The following ERCC5 variants were observed in gnomAD, a reference collection of about 807,000 sequenced individuals.
ERCC5 encodes DNA excision repair protein ERCC-5.
ERCC5 carries 68 observed loss-of-function variants against 105.6 expected under a neutral mutation model. That is an observed-to-expected ratio of 0.64 (90% confidence interval 0.53 to 0.79). The LOEUF (loss-of-function observed/expected upper bound fraction) is 0.79, where lower values mean the gene tolerates loss of function less well. Among genes scored for constraint, ERCC5 ranks in the 30% least tolerant of loss-of-function variants. ERCC5 has a pLI of 0.00. For missense variants in ERCC5, 1,373 were observed against 1,426.7 expected, an observed-to-expected ratio of 0.96 and a Z score of 0.61; for synonymous variants, 546 against 526.2, an observed-to-expected ratio of 1.04 and a Z score of -0.51.
rs568316205 is a variant in ERCC5 at position 102,861,602 on chromosome 13, G to T, written c.768G>T (p.Gln256His). The T allele has an allele frequency of 4.3e-6, 7 of 1,614,174 alleles. No homozygotes were observed. In the South Asian group the frequency reaches 6.6e-5, roughly 15 times the overall value. Reference protein sequence around the residue: ...HIEHVQKEMNQQHSGHIRRQY... With the variant: ...HIEHVQKEMNHQHSGHIRRQY... ...AACATGTCCAAAAGGAAATGAATCA[G>T]CAACATTCAGGACACATCCGAAGGC... The change falls in exon 7 of 15, where the codon CAG becomes CAT. Residue 256 changes from glutamine to histidine, a missense_variant. This residue lies in a region of ERCC5 where 1,004 missense variants were observed against 1,059.7 expected (regional missense o/e 0.95). Transcript: ENST00000652225.
chr13:102,866,852 C>G lies in ERCC5; in HGVS notation c.2533+7C>G. On this transcript the variant is annotated splice_region_variant and intron_variant, in intron 11 of 14. Transcript: ENST00000652225. ...GACTTTCACAATCAATTGGGTAAGA[C>G]TTCAGAGTCTTTTTGATTACTTTCT... 6.2e-7 allele frequency: 1 copy of G among 1,601,096 alleles called. No homozygotes were observed. The highest frequency in any genetic ancestry group is 2.3e-5 in the East Asian group (1 of 44,332).
intron 4 of ERCC5, 101 bp from the exon 5 acceptor site, chr13:102,855,951 C>T: frequency 1.7e-6 from 2 of 1,191,948 alleles, no homozygotes; most frequent in Non-Finnish European, 1.2e-6. Context: ...CTGTTTTATT[C>T]ACCACTGTAG....
chr13:102,853,397 T>G (rs1882277921), intron 2 of ERCC5, among the ~76,000 whole-genome samples: 1 of 152,244 alleles, frequency 6.6e-6, no homozygotes, highest in Non-Finnish European at 1.5e-5. Context: ...AAAAGCAATA[T>G]TAGAAATTGT....
chr13:102,854,194 C>T lies in ERCC5; in HGVS notation c.381-94C>T. On this transcript the variant is annotated intron_variant, in intron 3 of 14. Coordinates refer to ENST00000652225, the MANE Select transcript of ERCC5 (RefSeq NM_000123.4). ...CTTTCTCTCGGCTGCATTTATTTTC[C>T]ACAGCAGTGGCCTGAGAGCAGCCAG... is the stretch of plus-strand genomic sequence containing the variant. 6 of 1,330,026 alleles carry T rather than the reference C, an allele frequency of 4.5e-6. 1 individual carries two copies. The South Asian group carries it at 6.0e-5, about 13-fold the overall frequency. The allele number at this position is 1,330,026 out of a possible 1,614,324, so 82.4% of individuals were successfully genotyped here. A position where few individuals can be genotyped will look rare whatever the true frequency, so the allele number is the denominator to read the frequency against.
rs1034474841 is a variant in ERCC5, at chr13:102,862,115, G to T, written c.966G>T (p.Lys322Asn). 3 of 1,614,098 alleles carry T rather than the reference G, an allele frequency of 1.9e-6. No homozygotes were observed. In the African/African-American group the frequency reaches 4.0e-5, roughly 22 times the overall value. The change falls in exon 8 of 15, where the codon AAG becomes AAT. Residue 322 changes from lysine (K) to asparagine (N), a missense_variant. Lys to Asn is a moderately conservative substitution (Grantham distance 94). This residue lies in a region of ERCC5 where 1,004 missense variants were observed against 1,059.7 expected (regional missense o/e 0.95). Coordinates refer to ENST00000652225, the MANE Select transcript of ERCC5 (RefSeq NM_000123.4). ...TGCACGGCATGTCTTTTGACGTGAA[G>T]TCATCTCCATGTGAAAAACTGAAGA... The part of the protein sequence containing the change: ...SKMHGMSFDV[K>N]SSPCEKLKTE...
At chr13:102,857,964 C>T (rs1882485906) in intron 5 of ERCC5, among the ~76,000 whole-genome samples, 1 of 152,142 alleles carries the variant, frequency 6.6e-6, no homozygotes, top group Admixed American at 6.6e-5. Context: ...TCCTCTGCTC[C>T]TAAGAGCAGG....
At chr13:102,871,373 C>A (rs1003560263) in intron 12 of ERCC5, among the ~76,000 whole-genome samples, 2 of 151,952 alleles carry the variant, frequency 1.3e-5, no homozygotes, top group African/African-American at 4.8e-5. Flanking sequence ...TTTATCCGGC[C>A]GATTTAGGCT....
chr13:102,867,749 T>C (rs1202350485), intron 11 of ERCC5, among the ~76,000 whole-genome samples: 4 of 151,764 alleles, frequency 2.6e-5, no homozygotes, highest in South Asian at 4.2e-4. Context: ...GGGAGCACAG[T>C]GGAGGAGGAG....
At position 102,866,757 on chromosome 13, in the gene ERCC5, G is replaced by T; in HGVS notation, c.2445G>T (p.Leu815=). The T allele has an allele frequency of 6.2e-7, 1 of 1,614,280 alleles. No individual in the cohort carries two copies. Among genetic ancestry groups the T allele is most frequent in the South Asian group, 1.1e-5 (1 of 91,092 alleles). Residue 815 remains leucine (L), a synonymous_variant, in exon 11 of 15, where the codon CTG becomes CTT. Transcript: ENST00000652225. ...GTITDDSDIW[L]FGARHVYRNF... ...TCACTGATGACAGTGATATCTGGCTGTTTGGAGCGCGGCATGTCTATAGAA... is the reference window on the plus strand; with the variant it reads ...TCACTGATGACAGTGATATCTGGCTTTTTGGAGCGCGGCATGTCTATAGAA...
chr13:102,868,967 G>A (rs538113925), intron 12 of ERCC5, among the ~76,000 whole-genome samples: 5 of 152,330 alleles, frequency 3.3e-5, no homozygotes, highest in Non-Finnish European at 5.9e-5. Context: ...AGAGTTCACC[G>A]ATTTAAAGTG....
At chr13:102,867,373 C>T (rs370009243) in intron 11 of ERCC5, among the ~76,000 whole-genome samples, 15 of 152,258 alleles carry the variant, frequency 9.9e-5, no homozygotes, top group East Asian at 9.6e-4. Flanking sequence ...CTTCAGGCAT[C>T]GAGAGTGCAG....
At chr13:102,858,170 T>A (rs1185000407) in intron 5 of ERCC5, 105 bp from the exon 6 acceptor site, 40 of 1,505,442 alleles carry the variant, frequency 2.7e-5, no homozygotes, top group Non-Finnish European at 3.4e-5. Flanking sequence ...TTGTTGATTA[T>A]GTAGAACTGT....
At position 102,858,373 on chromosome 13, in the gene ERCC5, A is replaced by G. The variant is rs924886851; in HGVS notation, c.627A>G (p.Lys209=). Reference sequence around the variant, plus strand: ...AGCATGAAATCTTGACTGATATGAAAGAGTTCACCAAGCGCAGAAGAACAT... The same window carrying G: ...AGCATGAAATCTTGACTGATATGAAGGAGTTCACCAAGCGCAGAAGAACAT... ...EVKHEILTDM[K]EFTKRRRTLF... Residue 209 remains lysine (K), a synonymous_variant, in exon 6 of 15, where the codon AAA becomes AAG. Transcript: ENST00000652225. 6.2e-7 allele frequency: 1 copy of G among 1,614,042 alleles called. No individual in the cohort carries two copies. Among genetic ancestry groups the G allele is most frequent in the African/African-American group, 1.3e-5 (1 of 74,926 alleles).
chr13:102,852,483 CATCATGGGTACAATG>C (rs2140517705), intron 2 of ERCC5, among the ~76,000 whole-genome samples, 190 bp downstream of exon 2: 1 of 152,274 alleles, frequency 6.6e-6, no homozygotes, highest in Non-Finnish European at 1.5e-5. Context: ...TATGAGAGTT[CATCATGGGTACAATG>C]ATAAAATTTA....
intron 14 of ERCC5, 104 bp from the exon 15 acceptor site, chr13:102,875,203 A>G: frequency 4.7e-6 from 6 of 1,271,760 alleles, no homozygotes; most frequent in Non-Finnish European, 5.5e-6. Flanking sequence ...ATTCTCTGAC[A>G]TAGTAATCCA....
At position 102,852,039 on chromosome 13, in the gene ERCC5, A is replaced by G. The variant is rs1595376588; in HGVS notation, c.89-79A>G. 2.0e-6 allele frequency: 3 copies of G among 1,487,692 alleles called. No individual in the cohort carries two copies. The East Asian group carries it at 6.8e-5, about 34-fold the overall frequency. 92.2% of individuals were successfully genotyped at this position (1,487,692 alleles called of 1,614,324 possible). A position where few individuals can be genotyped will look rare whatever the true frequency, so the allele number is the denominator to read the frequency against. On this transcript the variant is annotated intron_variant, in intron 1 of 14. Transcript: ENST00000652225. ...AGTATTTAGTGTTCAACGTTTGGAT[A>G]ATATCAGTTATTAGGAAATTGAAGT...
At chr13:102,873,446 A>G in intron 14 of ERCC5, 103 bp downstream of exon 14, 4 of 1,280,020 alleles carry the variant, frequency 3.1e-6, no homozygotes, top group Non-Finnish European at 4.5e-6. Flanking sequence ...TAGAGCAGAC[A>G]TTTTGAAATT....
Position 102,869,413 on chromosome 13 carries a change from G to A in ERCC5, c.2678+1156G>A, listed in dbSNP as rs201809700. ...GAAAATTATAAATATGTATTAAAAA[G>A]ATGATTACAGTTTACAATTTGTTTA... On this transcript the variant is annotated intron_variant, in intron 12 of 14. Transcript: ENST00000652225. Among the ~76,000 whole-genome samples the A allele has an allele frequency of 2.7e-4, 39 of 144,626 alleles. 2 individuals are homozygous for A. The East Asian group carries it at 8.0e-3, about 30-fold the overall frequency. 94.9% of individuals were successfully genotyped at this position (144,626 alleles called of 152,430 possible).
In ERCC5 at chr13:102,853,780, C is replaced by T. The variant is rs1476917700; in HGVS notation, c.288C>T (p.Asp96=). Residue 96 remains aspartate, a synonymous_variant, in exon 3 of 15, where the codon GAC becomes GAT. Coordinates refer to ENST00000652225, the MANE Select transcript of ERCC5 (RefSeq NM_000123.4). ...QTLVKRRQRK[D]LASSDSRKTT... Reference sequence around the variant, plus strand: ...AGGTGAAGAGAAGGCAGAGAAAGGACTTAGCGTCCAGTGACTCCAGGAAAA... The same window carrying T: ...AGGTGAAGAGAAGGCAGAGAAAGGATTTAGCGTCCAGTGACTCCAGGAAAA... The T allele has an allele frequency of 3.1e-6, 5 of 1,614,052 alleles. No homozygotes were observed. Among genetic ancestry groups the T allele is most frequent in the Admixed American group, 1.7e-5 (1 of 60,000 alleles).
Sources: allele counts gnomAD v4.1 joint callset (sites outside exome capture counted in the v4.1 genomes callset), GRCh38; gene constraint gnomAD v4.1.1; regional missense constraint gnomAD v4.1.1; transcripts MANE v1.5; gene names NCBI Gene and HGNC (gene_info 2026-07-23, HGNC 2026-07-21).